The following RNF185 variants were observed in gnomAD, a reference collection of about 807,000 sequenced individuals.
RNF185 encodes E3 ubiquitin-protein ligase RNF185.
Under a neutral mutation model 24.9 loss-of-function variants are expected in RNF185, and 13 were observed. The observed-to-expected ratio is 0.52, with a 90% confidence interval of 0.34 to 0.83. The LOEUF (loss-of-function observed/expected upper bound fraction) is 0.83, where lower values mean the gene tolerates loss of function less well. Ranked by LOEUF, RNF185 falls within the 40% of genes least tolerant of loss-of-function variation. The pLI is 0.01. For synonymous variants in RNF185, 79 were observed against 90.3 expected (o/e 0.88, Z 0.71); for missense variants, 184 against 244.7 (o/e 0.75, Z 1.65).
intron 1 of RNF185, among the ~76,000 whole-genome samples, chr22:31,165,999 AT>A (rs1181665396): frequency 2.8e-5 from 4 of 145,078 alleles, no homozygotes; most frequent in South Asian, 2.1e-4. Context: ...TTTTATTATT[AT>A]TTTTTTTTAG....
In RNF185 at chr22:31,206,273, T is replaced by G. The variant is rs1455794070; in HGVS notation, c.*1687T>G. 6.6e-6 allele frequency: 1 copy of G among 152,590 alleles called. No individual in the cohort carries two copies. Among genetic ancestry groups the G allele is most frequent in the Non-Finnish European group, 1.5e-5 (1 of 68,060 alleles). 9.5% of individuals were successfully genotyped at this position (152,590 alleles called of 1,614,324 possible). A position where few individuals can be genotyped will look rare whatever the true frequency, so the allele number is the denominator to read the frequency against. On this transcript the variant is annotated 3_prime_UTR_variant, in exon 7 of 7. Coordinates refer to ENST00000326132, the MANE Select transcript of RNF185 (RefSeq NM_152267.4). ...GTTTAAACAGACAAAATATAAAGTA[T>G]TGAGTAGGTGGTTCATATGCCGAAT...
intron 1 of RNF185, among the ~76,000 whole-genome samples, chr22:31,186,837 A>G (rs2048103903): frequency 6.6e-6 from 1 of 152,088 alleles, no homozygotes; most frequent in Admixed American, 6.6e-5. Context: ...TATCTGTGTG[A>G]TATATTCTGG....
At chr22:31,199,110 AAAAAG>A (rs1234191779) in intron 5 of RNF185, among the ~76,000 whole-genome samples, 20 of 152,068 alleles carry the variant, frequency 1.3e-4, no homozygotes, top group Middle Eastern at 6.8e-3. Flanking sequence ...AAAAAAAAAA[AAAAAG>A]AAAGAAAGAA....
chr22:31,176,593 A>G (rs1349103614), intron 1 of RNF185, among the ~76,000 whole-genome samples: 1 of 149,980 alleles, frequency 6.7e-6, no homozygotes, highest in East Asian at 2.0e-4. Context: ...GGTTCACACC[A>G]TTCTCCTGCC....
chr22:31,187,024 G>C, intron 1 of RNF185, 23 bp from the exon 2 acceptor site: 1 of 1,510,944 alleles, frequency 6.6e-7, no homozygotes, highest in Non-Finnish European at 8.9e-7. Flanking sequence ...GAAATGGACA[G>C]TCAAGAGTTC....
intron 1 of RNF185, among the ~76,000 whole-genome samples, chr22:31,181,063 T>C (rs1050667247): frequency 2.6e-5 from 4 of 152,084 alleles, no homozygotes; most frequent in African/African-American, 9.7e-5. Flanking sequence ...ACTTAATCTT[T>C]TTAAAAAATA....
chr22:31,192,726 T>C (rs2048167774), intron 3 of RNF185, 24 bp downstream of exon 3: 1 of 1,612,088 alleles, frequency 6.2e-7, no homozygotes, highest in East Asian at 2.2e-5. Context: ...CATTTTACTT[T>C]GTCTTTCATC....
At chr22:31,166,578 T>TCTTCTTCCCCTTCCC (rs1555880428) in intron 1 of RNF185, among the ~76,000 whole-genome samples, 1 of 150,870 alleles carries the variant, frequency 6.6e-6, no homozygotes, top group Non-Finnish European at 1.5e-5. Context: ...TTCTTCTTCT[T>TCTTCTTCCCCTTCCC]CTTCCCCTTC....
intron 2 of RNF185, among the ~76,000 whole-genome samples, chr22:31,188,311 A>G (rs1196554340): frequency 2.0e-5 from 3 of 152,212 alleles, no homozygotes; most frequent in Non-Finnish European, 4.4e-5. Flanking sequence ...ATTGGTGAAT[A>G]AATAGAATGG....
At chr22:31,176,845 A>C (rs185658197) in intron 1 of RNF185, among the ~76,000 whole-genome samples, 5 of 152,158 alleles carry the variant, frequency 3.3e-5, no homozygotes, top group Non-Finnish European at 7.4e-5. Context: ...ACGTAAGCAA[A>C]ATCTCTGTGG....
intron 5 of RNF185, among the ~76,000 whole-genome samples, chr22:31,197,314 T>C (rs1032355680): frequency 6.6e-6 from 1 of 152,222 alleles, no homozygotes; most frequent in Admixed American, 6.5e-5. Context: ...GCTCCTGTTT[T>C]GTAACCCTCT....
chr22:31,184,783 C>T (rs558701437), intron 1 of RNF185, among the ~76,000 whole-genome samples: 7 of 151,922 alleles, frequency 4.6e-5, no homozygotes, highest in South Asian at 4.2e-4. Flanking sequence ...GGTGTGGCGG[C>T]GCGCGCCTGC....
intron 2 of RNF185, among the ~76,000 whole-genome samples, chr22:31,188,766 A>T (rs1200938765): frequency 6.6e-6 from 1 of 151,764 alleles, no homozygotes; most frequent in African/African-American, 2.4e-5. Context: ...ACAGTGAGCT[A>T]TGATTGTATC....
At chr22:31,166,248 C>T (rs1258627811) in intron 1 of RNF185, among the ~76,000 whole-genome samples, 2 of 152,136 alleles carry the variant, frequency 1.3e-5, no homozygotes, top group African/African-American at 4.8e-5. Context: ...ACCTCAGCCT[C>T]CCAAAGTGCT....
intron 1 of RNF185, among the ~76,000 whole-genome samples, chr22:31,160,598 A>G (rs940958918): frequency 2.0e-5 from 3 of 152,154 alleles, no homozygotes; most frequent in African/African-American, 4.8e-5. Flanking sequence ...GACCGCCTCT[A>G]TCATCTGGGA....
chr22:31,200,723 TG>T (rs2048254164), intron 5 of RNF185, among the ~76,000 whole-genome samples: 1 of 152,160 alleles, frequency 6.6e-6, no homozygotes, highest in Non-Finnish European at 1.5e-5. Flanking sequence ...GGCTGCGAAG[TG>T]GGAAGGTGAA....
At chr22:31,204,132 C>T (rs540949577) in intron 6 of RNF185, among the ~76,000 whole-genome samples, 3 of 151,394 alleles carry the variant, frequency 2.0e-5, no homozygotes, top group Non-Finnish European at 4.4e-5. Flanking sequence ...ATCACAAGGT[C>T]AGGAGTTCGA....
At chr22:31,189,135 A>ATATGTGTGTGTGTGTGTGTG (rs368967009) in intron 2 of RNF185, among the ~76,000 whole-genome samples, 62 of 136,896 alleles carry the variant, frequency 4.5e-4, no homozygotes, top group Non-Finnish European at 8.3e-4. Flanking sequence ...CAAAAAAAAA[A>ATATGTGTGTGTGTGTGTGTG]TGTGTGTGTG....
chr22:31,174,828 G>A (rs2047965033), intron 1 of RNF185, among the ~76,000 whole-genome samples: 1 of 151,956 alleles, frequency 6.6e-6, no homozygotes, highest in Non-Finnish European at 1.5e-5. Context: ...CCAGCACTTT[G>A]GGAGGCCGAG....
Sources: allele counts gnomAD v4.1 joint callset (sites outside exome capture counted in the v4.1 genomes callset), GRCh38; gene constraint gnomAD v4.1.1; transcripts MANE v1.5; gene names NCBI Gene and HGNC (gene_info 2026-07-23, HGNC 2026-07-21).